Variants in ZRANB3 observed in about 807,000 individuals in gnomAD.
ZRANB3 encodes the protein zinc finger RANBP2-type containing 3, also known as DNA annealing helicase and endonuclease ZRANB3.
A neutral mutation model predicts 133.8 loss-of-function variants in ZRANB3; 125 were observed. That is an observed-to-expected ratio of 0.93 (90% confidence interval 0.81 to 1.08). The LOEUF is 1.08. ZRANB3 is among the 50% of genes least tolerant of loss of function. The pLI, the probability that ZRANB3 is intolerant of heterozygous loss-of-function variation, is 0.00. For synonymous variants in ZRANB3, 387 were observed against 432.7 expected (o/e 0.89, Z 1.31); for missense variants, 1,229 against 1,275.5 (o/e 0.96, Z 0.56).
At chr2:135,452,885 G>A (rs961367976) in intron 2 of ZRANB3, among the ~76,000 whole-genome samples, 15 of 152,182 alleles carry the variant, frequency 9.9e-5, no homozygotes, top group African/African-American at 9.6e-5. Flanking sequence ...TCTGGAGGAC[G>A]GTGGCTCTCT....
intron 2 of ZRANB3, among the ~76,000 whole-genome samples, chr2:135,410,159 A>C (rs532464002): frequency 6.6e-6 from 1 of 152,318 alleles, no homozygotes; most frequent in Non-Finnish European, 1.5e-5. Context: ...ATGAAACAAA[A>C]AAGAGCCCCA....
chr2:135,459,459 A>T (rs530631456), intron 2 of ZRANB3, among the ~76,000 whole-genome samples: 36 of 152,328 alleles, frequency 2.4e-4, no homozygotes, highest in African/African-American at 7.7e-4. Flanking sequence ...GAATATTACT[A>T]TAATTTCCTC....
intron 3 of ZRANB3, among the ~76,000 whole-genome samples, chr2:135,376,640 A>G (rs1686443500): frequency 6.6e-6 from 1 of 152,222 alleles, no homozygotes; most frequent in Non-Finnish European, 1.5e-5. Context: ...AAAAGGCAAA[A>G]CTATGAAATT....
intron 9 of ZRANB3, among the ~76,000 whole-genome samples, chr2:135,273,064 T>C (rs1680612642): frequency 6.6e-6 from 1 of 151,482 alleles, no homozygotes; most frequent in Non-Finnish European, 1.5e-5. Flanking sequence ...CGGGCGCCTG[T>C]AGTCCCAGAT....
chr2:135,397,190 C>T (rs1687530163), intron 2 of ZRANB3, among the ~76,000 whole-genome samples: 1 of 151,774 alleles, frequency 6.6e-6, no homozygotes, highest in South Asian at 2.1e-4. Context: ...TGATTATAAC[C>T]CCAGCACTTT....
intron 1 of ZRANB3, among the ~76,000 whole-genome samples, chr2:135,514,880 T>C (rs1216222963): frequency 1.3e-5 from 2 of 152,220 alleles, no homozygotes; most frequent in African/African-American, 4.8e-5. Flanking sequence ...AGGCCTTTTC[T>C]GCATCTATTG....
Position 135,217,620 on chromosome 2 carries a change from G to A in ZRANB3, c.2353-13C>T, listed in dbSNP as rs755657667. The A allele has an allele frequency of 5.0e-6, 8 of 1,608,130 alleles. No individual in the cohort carries two copies. Among genetic ancestry groups the A allele is most frequent in the Non-Finnish European group, 6.8e-6 (8 of 1,178,332 alleles). ...CAAATCTCAAAATCTGGCAGAAAAT[G>A]AGATAATAAGAGTTAACAGCTCACA... On this transcript the variant is annotated splice_polypyrimidine_tract_variant and intron_variant, in intron 16 of 20. Transcript: ENST00000264159.
intron 12 of ZRANB3, among the ~76,000 whole-genome samples, chr2:135,249,262 T>A (rs1049873546): frequency 6.6e-6 from 1 of 152,210 alleles, no homozygotes; most frequent in Admixed American, 6.5e-5. Flanking sequence ...CCCAGAGGAA[T>A]AGAAATCATT....
chr2:135,410,436 C>A (rs569466174), intron 2 of ZRANB3, among the ~76,000 whole-genome samples: 1 of 152,072 alleles, frequency 6.6e-6, no homozygotes, highest in Non-Finnish European at 1.5e-5. Context: ...TAGCCATATG[C>A]AGAAGAATGA....
chr2:135,455,647 A>G (rs1470486034), intron 2 of ZRANB3, among the ~76,000 whole-genome samples: 2 of 135,896 alleles, frequency 1.5e-5, no homozygotes, highest in African/African-American at 2.8e-5. Context: ...GCCGGAGTGC[A>G]GTGGCGCGAT....
chr2:135,264,633 G>A (rs1680133540), intron 12 of ZRANB3, among the ~76,000 whole-genome samples: 1 of 151,988 alleles, frequency 6.6e-6, no homozygotes, highest in African/African-American at 2.4e-5. Flanking sequence ...CTAATAAATA[G>A]TAAAGGGGAA....
At chr2:135,253,329 T>TGAA (rs1444524883) in intron 12 of ZRANB3, among the ~76,000 whole-genome samples, 2 of 152,090 alleles carry the variant, frequency 1.3e-5, no homozygotes, top group African/African-American at 4.8e-5. Context: ...CCTTGAACTG[T>TGAA]GACCCAACCA....
intron 12 of ZRANB3, among the ~76,000 whole-genome samples, chr2:135,254,504 T>C (rs1021844114): frequency 6.6e-6 from 1 of 152,030 alleles, no homozygotes; most frequent in African/African-American, 2.4e-5. Flanking sequence ...TCCCAGCTAC[T>C]TGGGAGGCTG....
intron 8 of ZRANB3, among the ~76,000 whole-genome samples, chr2:135,312,133 A>ATT (rs1553470754): frequency 4.1e-5 from 4 of 98,386 alleles, no homozygotes; most frequent in East Asian, 3.0e-4. Context: ...ATTTTATTTT[A>ATT]TTATTTTATT....
At chr2:135,369,358 TAATA>T (rs1267234933) in intron 3 of ZRANB3, among the ~76,000 whole-genome samples, 2 of 152,118 alleles carry the variant, frequency 1.3e-5, no homozygotes, top group African/African-American at 4.8e-5. Context: ...TATATTTTAT[TAATA>T]GTTTGTTTCT....
At position 135,202,868 on chromosome 2, in the gene ZRANB3, G is replaced by C. The variant is rs1431039206; in HGVS notation, c.3105C>G (p.Asp1035Glu). ...VYGGGGQCSL[D>E]NLQTLCTVCH... The stretch of plus-strand genomic sequence containing the variant: ...AGACTGTGCAGAGAGTCTGCAGGTT[G>C]TCCAGGGAACACTGTCCTCCTCCCC... The change falls in exon 20 of 21, where the codon GAC becomes GAG. Residue 1035 changes from aspartate to glutamate, a missense_variant. By Grantham distance (45) the Asp-to-Glu change is conservative. Transcript: ENST00000264159. 2.5e-6 allele frequency: 4 copies of C among 1,610,348 alleles called. No homozygotes were observed. The Admixed American group carries it at 6.7e-5, about 27-fold the overall frequency.
Position 135,386,992 on chromosome 2 carries a change from A to C in ZRANB3, c.180+3810T>G, listed in dbSNP as rs190199850. 2.8e-3 allele frequency among the ~76,000 whole-genome samples: 431 copies of C among 152,220 alleles called. 1 individual carries two copies. Among genetic ancestry groups the C allele is most frequent in the African/African-American group, 9.4e-3 (390 of 41,562 alleles). ...GTACCCTAGATCTTAAAGAATTAAA[A>C]AAAAAAAAGGAAAAGAAAAAGAAAA... On this transcript the variant is annotated intron_variant, in intron 3 of 20. Coordinates refer to ENST00000264159, the MANE Select transcript of ZRANB3 (RefSeq NM_032143.4).
chr2:135,518,949 T>C (rs1249624308), intron 1 of ZRANB3, among the ~76,000 whole-genome samples: 1 of 152,168 alleles, frequency 6.6e-6, no homozygotes, highest in Non-Finnish European at 1.5e-5. Flanking sequence ...GAGGGAGAAT[T>C]TGGAGCTGAT....
chr2:135,210,740 C>G (rs545998845), intron 17 of ZRANB3, among the ~76,000 whole-genome samples: 14 of 152,014 alleles, frequency 9.2e-5, no homozygotes, highest in Non-Finnish European at 1.8e-4. Flanking sequence ...TCGAGACCAG[C>G]CTGGCCAACA....
Sources: allele counts gnomAD v4.1 joint callset (sites outside exome capture counted in the v4.1 genomes callset), GRCh38; gene constraint gnomAD v4.1.1; transcripts MANE v1.5; gene names NCBI Gene and HGNC (gene_info 2026-07-23, HGNC 2026-07-21).